Variants in LMBR1 observed in about 807,000 individuals in gnomAD.
LMBR1 encodes the protein limb development membrane protein 1.
In LMBR1, 52 loss-of-function variants were observed where a neutral mutation model predicts 73.9. The observed-to-expected ratio is 0.70, with a 90% CI of 0.56 to 0.89. LMBR1 has a LOEUF of 0.89. LMBR1 is among the 40% of genes least tolerant of loss of function. The pLI, the probability that LMBR1 is intolerant of heterozygous loss-of-function variation, is 0.00. For missense variants in LMBR1, 539 were observed against 579.8 expected, an observed-to-expected ratio of 0.93 and a Z score of 0.72; for synonymous variants, 215 against 209.4, an observed-to-expected ratio of 1.03 and a Z score of -0.23.
chr7:156,801,363 T>C (rs1414783377), intron 4 of LMBR1, among the ~76,000 whole-genome samples: 1 of 152,238 alleles, frequency 6.6e-6, no homozygotes, highest in Non-Finnish European at 1.5e-5. Context: ...GTACACACAT[T>C]GCTATTGCAC....
intron 9 of LMBR1, among the ~76,000 whole-genome samples, chr7:156,744,189 C>T (rs892028709): frequency 2.6e-5 from 4 of 152,042 alleles, no homozygotes; most frequent in Non-Finnish European, 5.9e-5. Context: ...AGGTGCGTGC[C>T]GCCACACTCA....
At position 156,717,319 on chromosome 7, in the gene LMBR1, C is replaced by T. The variant is rs571576908; in HGVS notation, c.1225+6793G>A. 3.0e-4 allele frequency among the ~76,000 whole-genome samples: 46 copies of T among 152,266 alleles called. 1 individual carries two copies. The Middle Eastern group carries it at 0.02, about 68-fold the overall frequency. On this transcript the variant is annotated intron_variant, in intron 15 of 16. Coordinates refer to ENST00000353442, the MANE Select transcript of LMBR1 (RefSeq NM_022458.4). ...ACAGGAGAGAGAGAAATGACAGGTT[C>T]TGTTTTAGAAATGACCAGTGTGAGG... is the stretch of plus-strand genomic sequence containing the variant.
chr7:156,807,140 T>C (rs2133549605), intron 4 of LMBR1, among the ~76,000 whole-genome samples: 1 of 152,330 alleles, frequency 6.6e-6, no homozygotes, highest in African/African-American at 2.4e-5. Flanking sequence ...TAAAATTGTA[T>C]TTAGAACTTA....
rs1478340724 is a variant in LMBR1 at position 156,670,310 on chromosome 7, T to G, written n.867-1023A>C. Among the ~76,000 whole-genome samples, 1 of 152,198 alleles carries G rather than the reference T, an allele frequency of 6.6e-6. No individual in the cohort carries two copies. The highest frequency in any genetic ancestry group is 1.5e-5 in the Non-Finnish European group (1 of 68,030). ...ATACACACACATTCTAGTCAGGCCC[T>G]GCCTTCAGCTCACTGAGGAGTCAGG... On this transcript the variant is annotated intron_variant and non_coding_transcript_variant, in intron 4 of 4. Transcript: ENST00000430825. This position sits in a 1 kb window ranked among gnomAD's most constrained non-coding sequence, Gnocchi z 4.3.
At chr7:156,708,245 G>A (rs2132146916) in intron 15 of LMBR1, among the ~76,000 whole-genome samples, 1 of 152,226 alleles carries the variant, frequency 6.6e-6, no homozygotes, top group Non-Finnish European at 1.5e-5. Flanking sequence ...GGAAAACAAA[G>A]AATTCACGAA....
rs1401141551 is a variant in LMBR1, at chr7:156,789,213, G to A, written c.423+7176C>T. 2.0e-5 allele frequency among the ~76,000 whole-genome samples: 3 copies of A among 151,888 alleles called. No homozygotes were observed. The East Asian group carries it at 5.8e-4, about 29-fold the overall frequency. On this transcript the variant is annotated intron_variant, in intron 5 of 16. Coordinates refer to ENST00000353442, the MANE Select transcript of LMBR1 (RefSeq NM_022458.4). ...GTCCTTATTTTTTCCGTTTTTGCCT[G>A]CTGATCTTATTTTTAATCCCTAAAA... is the stretch of plus-strand genomic sequence containing the variant.
chr7:156,789,110 G>A (rs534975150), intron 5 of LMBR1, among the ~76,000 whole-genome samples: 1 of 152,186 alleles, frequency 6.6e-6, no homozygotes, highest in Non-Finnish European at 1.5e-5. Context: ...CTTCCTCTGT[G>A]CTACGAATAG....
chr7:156,727,329 A>G (rs1815966842), intron 12 of LMBR1, among the ~76,000 whole-genome samples: 1 of 152,204 alleles, frequency 6.6e-6, no homozygotes, highest in Non-Finnish European at 1.5e-5. Context: ...GGATGGGTAC[A>G]AAAATATACT....
intron 1 of LMBR1, among the ~76,000 whole-genome samples, chr7:156,838,435 A>C (rs1838053589): frequency 6.6e-6 from 1 of 152,202 alleles, no homozygotes; most frequent in South Asian, 2.1e-4. Context: ...CAACATTTTT[A>C]AATTTCACAT....
intron 5 of LMBR1, among the ~76,000 whole-genome samples, chr7:156,766,554 T>C (rs775082515): frequency 6.6e-6 from 1 of 152,138 alleles, no homozygotes; most frequent in Non-Finnish European, 1.5e-5. Context: ...TTTTCACAGT[T>C]CTTGACGGTT....
rs1277990634 is a variant in LMBR1, at chr7:156,718,514, A to G, written c.1225+5598T>C. Among the ~76,000 whole-genome samples, 4 of 152,272 alleles carry G rather than the reference A, an allele frequency of 2.6e-5. No homozygotes were observed. The East Asian group carries it at 7.7e-4, about 29-fold the overall frequency. On this transcript the variant is annotated intron_variant, in intron 15 of 16. Coordinates refer to ENST00000353442, the MANE Select transcript of LMBR1 (RefSeq NM_022458.4). ...CAAGGCAGGTGGATCACTTGAGCCTAGGAATTTGAGGCAAGCCTTGGCAAC... is the reference window on the plus strand; with the variant it reads ...CAAGGCAGGTGGATCACTTGAGCCTGGGAATTTGAGGCAAGCCTTGGCAAC...
intron 1 of LMBR1, 139 bp downstream of exon 1, chr7:156,892,789 G>A (rs1194247495): frequency 1.4e-5 from 6 of 436,854 alleles, no homozygotes; most frequent in Non-Finnish European, 2.3e-5. Context: ...GGGTGGGGAG[G>A]GAGAGCGGCA....
intron 1 of LMBR1, among the ~76,000 whole-genome samples, chr7:156,853,250 A>G (rs1318651635): frequency 6.6e-6 from 1 of 152,062 alleles, no homozygotes; most frequent in Non-Finnish European, 1.5e-5. Context: ...ATAATGCTTC[A>G]TTTTTTATTG....
Position 156,711,791 on chromosome 7 carries a change from T to C in LMBR1, c.1225+12321A>G, listed in dbSNP as rs1812131967. Among the ~76,000 whole-genome samples the C allele has an allele frequency of 2.6e-5, 4 of 152,302 alleles. No homozygotes were observed. The South Asian group carries it at 8.3e-4, about 32-fold the overall frequency. ...AATAAAAGGTGCTGGTAAAATTGGA[T>C]TGCCATATGCAGATAAAAGAAACTG... is the stretch of plus-strand genomic sequence containing the variant. On this transcript the variant is annotated intron_variant, in intron 15 of 16. Transcript: ENST00000353442.
chr7:156,709,285 C>T (rs910495551), intron 15 of LMBR1, among the ~76,000 whole-genome samples: 7 of 152,218 alleles, frequency 4.6e-5, no homozygotes. Context: ...GACAGAATAA[C>T]CCTGCTCCCA....
At chr7:156,760,388 G>A (rs1486034556) in intron 8 of LMBR1, among the ~76,000 whole-genome samples, 4 of 152,128 alleles carry the variant, frequency 2.6e-5, no homozygotes, top group Non-Finnish European at 5.9e-5. Flanking sequence ...AAAATGTACT[G>A]GAATTTGTTT....
At chr7:156,879,994 T>TA (rs1241335309) in intron 1 of LMBR1, among the ~76,000 whole-genome samples, 1 of 152,212 alleles carries the variant, frequency 6.6e-6, no homozygotes, top group Non-Finnish European at 1.5e-5. Context: ...GCAATACCAC[T>TA]ACTGGGTATC....
chr7:156,684,015 C>T lies in LMBR1; in HGVS notation c.*63G>A, dbSNP rs879833598. On this transcript the variant is annotated 3_prime_UTR_variant, in exon 17 of 17. Transcript: ENST00000353442. ...TGAATGGAAATGCTTCTACATGGGA[C>T]AGGAATGTCGTGAATCTGGAGTTCT... 2.4e-5 allele frequency: 31 copies of T among 1,318,376 alleles called. No homozygotes were observed. The highest frequency in any genetic ancestry group is 3.2e-5 in the Non-Finnish European group (29 of 915,162). 81.7% of individuals were successfully genotyped at this position (1,318,376 alleles called of 1,614,324 possible). A position where few individuals can be genotyped will look rare whatever the true frequency, so the allele number is the denominator to read the frequency against.
At chr7:156,780,828 TACCCTTCACCTCC>T (rs1826998130) in intron 5 of LMBR1, among the ~76,000 whole-genome samples, 1 of 152,128 alleles carries the variant, frequency 6.6e-6, no homozygotes, top group Admixed American at 6.5e-5. Context: ...TTTCCACCCC[TACCCTTCACCTCC>T]ACCCTTCACC....
Sources: gnomAD v4.1 joint callset for allele counts (sites outside exome capture counted in the v4.1 genomes callset) on GRCh38, gnomAD v4.1.1 for gene constraint, Gnocchi (gnomAD v3.1) non-coding constraint, MANE v1.5 for transcripts, NCBI Gene and HGNC (gene_info 2026-07-23, HGNC 2026-07-21) for gene names.